FER1L5: variants seen among roughly 807,000 people sequenced by gnomAD.
The protein encoded by FER1L5 is fer-1-like protein 5.
A neutral mutation model predicts 279.9 loss-of-function variants in FER1L5; 187 were observed. That is an observed-to-expected ratio of 0.67 (90% CI 0.59 to 0.75). The LOEUF is 0.75. Ranked by LOEUF, FER1L5 falls within the 30% of genes least tolerant of loss-of-function variation. The pLI is 0.00. For synonymous variants in FER1L5, 921 were observed against 989.7 expected, an observed-to-expected ratio of 0.93 and a Z score of 1.30; for missense variants, 2,091 against 2,594.4, an observed-to-expected ratio of 0.81 and a Z score of 4.21.
chr2:96,702,838 C>A lies in FER1L5; in HGVS notation c.5397+97C>A. The A allele has an allele frequency of 6.5e-7, 1 of 1,548,086 alleles. No individual in the cohort carries two copies. The highest frequency in any genetic ancestry group is 8.7e-7 in the Non-Finnish European group (1 of 1,144,294). On this transcript the variant is annotated intron_variant, in intron 48 of 52. Transcript: ENST00000624922. The surrounding 1 kb of genome is among the most constrained non-coding windows in gnomAD (Gnocchi z 4.0). ...ACCCCTCCAGAGGCTTGCAATCTGT[C>A]CCAGAACATCAGAAACATGTCCTCA...
chr2:96,680,285 T>C (rs2076670949), intron 19 of FER1L5, among the ~76,000 whole-genome samples: 1 of 152,024 alleles, frequency 6.6e-6, no homozygotes, highest in Non-Finnish European at 1.5e-5. Context: ...GGCATGCATC[T>C]CTGCTTATTT....
At chr2:96,699,881 T>C (rs2077527708) in intron 43 of FER1L5, 51 bp from the exon 44 acceptor site, 1 of 1,605,266 alleles carries the variant, frequency 6.2e-7, no homozygotes, top group Non-Finnish European at 8.5e-7. Context: ...CTCACAGCAG[T>C]GTTCTTCAGG....
In FER1L5 at chr2:96,694,435, C is replaced by T. The variant is rs1177172505; in HGVS notation, c.3712C>T (p.Gln1238Ter). 2.6e-6 allele frequency: 4 copies of T among 1,548,650 alleles called. No individual in the cohort carries two copies. The highest frequency in any genetic ancestry group is 4.9e-5 in the East Asian group (2 of 40,838). ...GGCATACACACTCCCCAAGAGCATC[C>T]AGCCCACGATAAAGAGGATGGCCAT... ...NGAYTLPKSI[Q>*]PTIKRMAIEI... The change falls in exon 34 of 53, where the codon CAG becomes TAG. Residue 1238 changes from glutamine to a stop codon, truncating the protein, a stop_gained. Transcript: ENST00000624922. LOFTEE classifies it high-confidence loss of function. This position sits in a 1 kb window ranked among gnomAD's most constrained non-coding sequence, Gnocchi z 4.6.
chr2:96,696,330 T>C (rs1214615981), intron 37 of FER1L5, among the ~76,000 whole-genome samples: 1 of 152,152 alleles, frequency 6.6e-6, no homozygotes, highest in Non-Finnish European at 1.5e-5. Flanking sequence ...TTTGCTCTTG[T>C]TGCCCAGGCT....
chr2:96,693,803 A>T, intron 32 of FER1L5, 108 bp from the exon 33 acceptor site: 5 of 1,472,034 alleles, frequency 3.4e-6, no homozygotes, highest in Non-Finnish European at 4.5e-6. Context: ...ACGTGCAGAC[A>T]GCACCATGGA....
At chr2:96,681,839 G>A (rs1275079258) in intron 19 of FER1L5, among the ~76,000 whole-genome samples, 2 of 151,300 alleles carry the variant, frequency 1.3e-5, no homozygotes, top group Non-Finnish European at 2.9e-5. Flanking sequence ...GCCCAGGCTG[G>A]AGTGCAGTGG....
At chr2:96,655,073 A>G (rs527911837) in intron 9 of FER1L5, among the ~76,000 whole-genome samples, 1 of 152,154 alleles carries the variant, frequency 6.6e-6, no homozygotes, top group Non-Finnish European at 1.5e-5. Context: ...CGTTTATGAA[A>G]GCTCAGGGCG....
intron 2 of FER1L5, 85 bp from the exon 3 acceptor site, chr2:96,646,979 C>A: frequency 7.3e-7 from 1 of 1,368,048 alleles, no homozygotes; most frequent in Non-Finnish European, 1.0e-6. Context: ...AGTGCCAGCC[C>A]GTTCCCCACG....
chr2:96,658,356 A>G (rs2075683854), intron 9 of FER1L5, among the ~76,000 whole-genome samples: 1 of 135,988 alleles, frequency 7.4e-6, no homozygotes, highest in Non-Finnish European at 1.5e-5. Context: ...TTGCTCTGTC[A>G]TCAAGGTTGG....
rs1346207699 is a variant in FER1L5 at position 96,694,343 on chromosome 2, T to C, written c.3637-17T>C. 1 of 1,539,556 alleles carries C rather than the reference T, an allele frequency of 6.5e-7. No individual in the cohort carries two copies. The highest frequency in any genetic ancestry group is 8.8e-7 in the Non-Finnish European group (1 of 1,140,516). On this transcript the variant is annotated splice_polypyrimidine_tract_variant and intron_variant, in intron 33 of 52. Transcript: ENST00000624922. The surrounding 1 kb of genome is among the most constrained non-coding windows in gnomAD (Gnocchi z 4.6). ...AGGACCAGCCCAGAGGGCCTCATGCTCCCTGCCCTCCCCCAGAAGCTTGGA... is the reference window on the plus strand; with the variant it reads ...AGGACCAGCCCAGAGGGCCTCATGCCCCCTGCCCTCCCCCAGAAGCTTGGA...
At chr2:96,649,039 G>C (rs997018584) in intron 4 of FER1L5, among the ~76,000 whole-genome samples, 1 of 151,758 alleles carries the variant, frequency 6.6e-6, no homozygotes, top group Middle Eastern at 3.4e-3. Flanking sequence ...GTCACACGGT[G>C]GGGGGGTGGG....
intron 1 of FER1L5, among the ~76,000 whole-genome samples, chr2:96,645,724 C>T (rs1268716673): frequency 2.6e-5 from 4 of 151,886 alleles, no homozygotes; most frequent in Non-Finnish European, 5.9e-5. Flanking sequence ...TGCATTGAGC[C>T]CACATCATGC....
chr2:96,659,425 C>CT (rs1172302485), intron 9 of FER1L5, among the ~76,000 whole-genome samples: 1 of 10,898 alleles, frequency 9.2e-5, no homozygotes, highest in East Asian at 2.1e-3. Flanking sequence ...TTCTTTCTTT[C>CT]TTTCTTTCTT....
intron 31 of FER1L5, among the ~76,000 whole-genome samples, 167 bp from the exon 32 acceptor site, chr2:96,693,338 AG>A (rs2077230921): frequency 6.6e-6 from 1 of 152,126 alleles, no homozygotes; most frequent in Non-Finnish European, 1.5e-5. Context: ...CTCTGGTGAC[AG>A]GCCCCGGTGC....
chr2:96,702,151 T>G lies in FER1L5; in HGVS notation c.5159+108T>G. 1 of 1,570,144 alleles carries G rather than the reference T, an allele frequency of 6.4e-7. No homozygotes were observed. Among genetic ancestry groups the G allele is most frequent in the East Asian group, 2.3e-5 (1 of 44,326 alleles). On this transcript the variant is annotated intron_variant, in intron 46 of 52. Coordinates refer to ENST00000624922, the MANE Select transcript of FER1L5 (RefSeq NM_001293083.2). The surrounding 1 kb of genome is among the most constrained non-coding windows in gnomAD (Gnocchi z 4.0). ...GAGCTGCAGTAATTCGTTTCTCTAT[T>G]GGGAAGAGAGGAAGCTCTACTGGGA...
In FER1L5 at chr2:96,689,631, T is replaced by C. The variant is rs747132246; in HGVS notation, c.2526-13T>C. On this transcript the variant is annotated splice_polypyrimidine_tract_variant and intron_variant, in intron 25 of 52. Transcript: ENST00000624922. This position sits in a 1 kb window ranked among gnomAD's most constrained non-coding sequence, Gnocchi z 4.6. ...GGAGTTGTGCTGGGAACTTGGGGTCTCATTACCCCCAGGCTCCTCCTGGAC... is the reference window on the plus strand; with the variant it reads ...GGAGTTGTGCTGGGAACTTGGGGTCCCATTACCCCCAGGCTCCTCCTGGAC... The C allele has an allele frequency of 1.9e-6, 3 of 1,547,504 alleles. No homozygotes were observed. In the South Asian group the frequency reaches 3.6e-5, roughly 18 times the overall value.
At chr2:96,652,192 G>A in intron 7 of FER1L5, 172 bp downstream of exon 7, 1 of 921,270 alleles carries the variant, frequency 1.1e-6, no homozygotes, top group Non-Finnish European at 1.6e-6. Flanking sequence ...GTATAACTCA[G>A]AGCCCTGTAT....
rs1357496741 is a variant in FER1L5, at chr2:96,694,718, C to G, written c.3741+254C>G. 1.7e-5 allele frequency: 6 copies of G among 363,436 alleles called. No homozygotes were observed. Among genetic ancestry groups the G allele is most frequent in the African/African-American group, 1.0e-4 (5 of 47,858 alleles). The allele number at this position is 363,436 out of a possible 1,614,324, so 22.5% of individuals were successfully genotyped here. Reference sequence around the variant, plus strand: ...CATGCATGATCACTTGTGGGACTCACGCTGCCCCTGCGCAGTAGCAACTAC... The same window carrying G: ...CATGCATGATCACTTGTGGGACTCAGGCTGCCCCTGCGCAGTAGCAACTAC... On this transcript the variant is annotated intron_variant, in intron 34 of 52. Transcript: ENST00000624922. This position sits in a 1 kb window ranked among gnomAD's most constrained non-coding sequence, Gnocchi z 4.6.
Position 96,702,530 on chromosome 2 carries a change from T to C in FER1L5, c.5256-70T>C, listed in dbSNP as rs2077623991. The C allele has an allele frequency of 6.4e-7, 1 of 1,550,516 alleles. No individual in the cohort carries two copies. The highest frequency in any genetic ancestry group is 1.2e-5 in the South Asian group (1 of 84,042). On this transcript the variant is annotated intron_variant, in intron 47 of 52. Transcript: ENST00000624922. This position sits in a 1 kb window ranked among gnomAD's most constrained non-coding sequence, Gnocchi z 4.0. ...TGCCTGGCGTCGGCTGGGCAGCCCT[T>C]CCCATGGGGCTCCAGCTGGGGGATG...
Sources: gnomAD v4.1 joint callset for allele counts (sites outside exome capture counted in the v4.1 genomes callset) on GRCh38, gnomAD v4.1.1 for gene constraint, Gnocchi (gnomAD v3.1) non-coding constraint, MANE v1.5 for transcripts, NCBI Gene and HGNC (gene_info 2026-07-23, HGNC 2026-07-21) for gene names.